The following EVA1A variants were observed in gnomAD, a reference collection of about 807,000 sequenced individuals.
EVA1A encodes the protein protein eva-1 homolog A.
EVA1A carries 7 observed loss-of-function variants against 9.8 expected under a neutral mutation model. That is an observed-to-expected ratio of 0.71 (90% confidence interval 0.41 to 1.34). EVA1A has a LOEUF of 1.34. EVA1A is among the 40% of genes most tolerant of loss of function. EVA1A has a pLI of 0.01. For missense variants in EVA1A, 206 were observed against 205.9 expected, an observed-to-expected ratio of 1.00 and a Z score of 0.00; for synonymous variants, 90 against 85.6, an observed-to-expected ratio of 1.05 and a Z score of -0.28.
intron 3 of EVA1A, among the ~76,000 whole-genome samples, chr2:75,507,820 C>T (rs1674670428): frequency 6.6e-6 from 1 of 152,196 alleles, no homozygotes; most frequent in South Asian, 2.1e-4. Context: ...CCTCACACCT[C>T]AGGGGGCTCA....
chr2:75,560,415 TG>T lies in EVA1A; in HGVS notation c.-192+264del, dbSNP rs572867604. Among the ~76,000 whole-genome samples the T allele has an allele frequency of 3.3e-3, 503 of 152,162 alleles. 2 individuals carry two copies. Among genetic ancestry groups the T allele is most frequent in the African/African-American group, 0.012 (486 of 41,506 alleles). The stretch of plus-strand genomic sequence containing the variant: ...GCTGCAGAGGCAGGGAGTTGAGAGT[TG>T]TTCTATCCAGAAAGAAGCAGGGGGG... On this transcript the variant is annotated intron_variant, in intron 1 of 3. Transcript: ENST00000393913.
In EVA1A at chr2:75,554,290, C is replaced by G. The variant is rs533834549; in HGVS notation, c.-192+6390G>C. Among the ~76,000 whole-genome samples, 14 of 152,250 alleles carry G rather than the reference C, an allele frequency of 9.2e-5. No homozygotes were observed. The South Asian group carries it at 1.0e-3, about 11-fold the overall frequency. ...AGTTTATGGTTGCTTCTCTACTAAG[C>G]AGCATTTCCCTCTCCTCTCACCATG... On this transcript the variant is annotated intron_variant, in intron 1 of 3. Coordinates refer to ENST00000393913, the MANE Select transcript of EVA1A (RefSeq NM_001135032.2).
At chr2:75,554,787 C>T (rs190116013) in intron 1 of EVA1A, among the ~76,000 whole-genome samples, 1 of 152,314 alleles carries the variant, frequency 6.6e-6, no homozygotes, top group Admixed American at 6.5e-5. Context: ...GGGACCACTT[C>T]CCTGGAGGAA....
chr2:75,530,104 A>C (rs1274091023), intron 1 of EVA1A, among the ~76,000 whole-genome samples: 1 of 152,168 alleles, frequency 6.6e-6, no homozygotes, highest in East Asian at 1.9e-4. Context: ...AGGATCATTC[A>C]AGGCTACTAT....
intron 3 of EVA1A, among the ~76,000 whole-genome samples, chr2:75,501,353 A>C (rs1215158031): frequency 6.6e-6 from 1 of 152,202 alleles, no homozygotes; most frequent in South Asian, 2.1e-4. Context: ...TTAGTATGAA[A>C]CATTCTAAAG....
intron 2 of EVA1A, among the ~76,000 whole-genome samples, chr2:75,520,171 C>T (rs370087665): frequency 2.9e-4 from 44 of 152,176 alleles, no homozygotes; most frequent in African/African-American, 8.7e-4. Flanking sequence ...TTTAGTTCCC[C>T]CAAGTAGAGC....
chr2:75,523,936 T>G (rs1478660538), intron 1 of EVA1A: 2 of 152,120 alleles, frequency 1.3e-5, no homozygotes, highest in African/African-American at 4.8e-5. Flanking sequence ...CCCCAACTGT[T>G]GTAGGAGGGA....
chr2:75,499,424 C>A (rs962677863), intron 3 of EVA1A, among the ~76,000 whole-genome samples: 1 of 152,086 alleles, frequency 6.6e-6, no homozygotes, highest in African/African-American at 2.4e-5. Context: ...AAATGGAAAA[C>A]CAAAAAGCCA....
intron 3 of EVA1A, among the ~76,000 whole-genome samples, chr2:75,498,253 G>A (rs1216127530): frequency 1.4e-5 from 2 of 145,886 alleles, no homozygotes; most frequent in African/African-American, 2.5e-5. Flanking sequence ...ACTGCATGTT[G>A]TCACTTATAA....
At chr2:75,564,044 G>A (rs1203052382), upstream of EVA1A, among the ~76,000 whole-genome samples, 3 of 152,230 alleles carry the variant, frequency 2.0e-5, no homozygotes, top group African/African-American at 7.2e-5. Flanking sequence ...TTATGGAACA[G>A]TGCCAAATAT....
Position 75,493,037 on chromosome 2 carries a change from T to C in EVA1A, c.*199A>G, listed in dbSNP as rs1001065341. ...CCATTCCGAGACCTGGAAAGGGTGA[T>C]GAACTGCTTTGATTTTTCTACTTCT... On this transcript the variant is annotated 3_prime_UTR_variant, in exon 4 of 4. Transcript: ENST00000393913. The C allele has an allele frequency of 5.5e-6, 4 of 721,120 alleles. No individual in the cohort carries two copies. In the African/African-American group the frequency reaches 7.1e-5, roughly 13 times the overall value. 44.7% of individuals were successfully genotyped at this position (721,120 alleles called of 1,614,324 possible).
chr2:75,514,738 A>T (rs1454907601), intron 3 of EVA1A, among the ~76,000 whole-genome samples: 1 of 152,176 alleles, frequency 6.6e-6, no homozygotes, highest in East Asian at 1.9e-4. Flanking sequence ...ATTTTACTAC[A>T]TGTATTATAA....
chr2:75,505,712 G>T (rs1051737474), intron 3 of EVA1A, among the ~76,000 whole-genome samples: 1 of 152,022 alleles, frequency 6.6e-6, no homozygotes, highest in East Asian at 1.9e-4. Context: ...TACTCGGGAG[G>T]CTGAGGCAGA....
chr2:75,551,843 C>T (rs1044107184), intron 1 of EVA1A, among the ~76,000 whole-genome samples: 8 of 152,148 alleles, frequency 5.3e-5, no homozygotes, highest in African/African-American at 9.7e-5. Context: ...CATAACCCTC[C>T]GTAACCAACT....
chr2:75,568,328 ATAAT>A (rs1425214916), intron 1 of EVA1A, among the ~76,000 whole-genome samples: 6 of 150,442 alleles, frequency 4.0e-5, no homozygotes, highest in East Asian at 1.9e-4. Context: ...TTATTATTAA[ATAAT>A]TAAGTAAAAT....
At chr2:75,547,299 G>A (rs1288975174) in intron 1 of EVA1A, among the ~76,000 whole-genome samples, 1 of 152,176 alleles carries the variant, frequency 6.6e-6, no homozygotes, top group Non-Finnish European at 1.5e-5. Flanking sequence ...AAAAGATTCT[G>A]CATCTCAGGA....
At chr2:75,548,003 A>C (rs982959786) in intron 1 of EVA1A, among the ~76,000 whole-genome samples, 2 of 152,274 alleles carry the variant, frequency 1.3e-5, no homozygotes, top group Non-Finnish European at 2.9e-5. Flanking sequence ...TAGAATACTT[A>C]CTATCTGATC....
intron 1 of EVA1A, among the ~76,000 whole-genome samples, chr2:75,531,914 C>T (rs886392733): frequency 6.6e-6 from 1 of 152,128 alleles, no homozygotes; most frequent in African/African-American, 2.4e-5. Context: ...AATCCCAGCA[C>T]TTTGGGAGGC....
intron 1 of EVA1A, among the ~76,000 whole-genome samples, chr2:75,533,198 C>A (rs373980113): frequency 6.8e-5 from 10 of 147,686 alleles, no homozygotes; most frequent in Non-Finnish European, 1.1e-4. Context: ...GAAAAAAAAA[C>A]CAAAGACAAA....
Sources: gnomAD v4.1 joint callset for allele counts (sites outside exome capture counted in the v4.1 genomes callset) on GRCh38, gnomAD v4.1.1 for gene constraint, MANE v1.5 for transcripts, NCBI Gene and HGNC (gene_info 2026-07-23, HGNC 2026-07-21) for gene names.